PLOD2: variants seen among roughly 807,000 people sequenced by gnomAD.
The protein encoded by PLOD2 is lysine hydroxylase 2.
Under a neutral mutation model 101.0 loss-of-function variants are expected in PLOD2, and 65 were observed. That is an observed-to-expected ratio of 0.64 (90% CI 0.53 to 0.79). The LOEUF is 0.79. PLOD2 is among the 30% of genes least tolerant of loss of function. The probability of loss-of-function intolerance (pLI) is 0.00; values close to 1 mark genes in which losing one functional copy is unlikely to be tolerated. For missense variants in PLOD2, 909 were observed against 914.6 expected (o/e 0.99, Z 0.08); for synonymous variants, 314 against 302.9 (o/e 1.04, Z -0.38).
At chr3:146,077,244 T>C in intron 14 of PLOD2, 1 of 795,488 alleles carries the variant, frequency 1.3e-6, no homozygotes, top group Non-Finnish European at 1.5e-6. Flanking sequence ...ATTATACCTC[T>C]TTTGGCTTCT....
chr3:146,128,248 C>T (rs1482529260), intron 1 of PLOD2, among the ~76,000 whole-genome samples: 2 of 152,216 alleles, frequency 1.3e-5, no homozygotes, highest in South Asian at 2.1e-4. Flanking sequence ...CACCTGCCAA[C>T]CACTAATACC....
intron 7 of PLOD2, among the ~76,000 whole-genome samples, chr3:146,096,454 G>A (rs1440311874): frequency 6.3e-5 from 7 of 110,604 alleles, no homozygotes; most frequent in African/African-American, 1.5e-4. Flanking sequence ...CCTCTTCCCC[G>A]CCGCCATCCC....
At chr3:146,106,000 A>T (rs1276527048) in intron 5 of PLOD2, among the ~76,000 whole-genome samples, 1 of 152,370 alleles carries the variant, frequency 6.6e-6, no homozygotes, top group South Asian at 2.1e-4. Context: ...CTAATGCTCT[A>T]TGTTAATAAA....
intron 3 of PLOD2, among the ~76,000 whole-genome samples, chr3:146,114,356 C>T (rs769270625): frequency 9.2e-5 from 14 of 152,178 alleles, no homozygotes; most frequent in Middle Eastern, 3.4e-3. Flanking sequence ...AAACCAAGTA[C>T]GTCTCAGGTA....
intron 1 of PLOD2, among the ~76,000 whole-genome samples, chr3:146,132,401 C>G (rs1393789081): frequency 1.3e-5 from 2 of 152,036 alleles, no homozygotes; most frequent in East Asian, 3.9e-4. Flanking sequence ...TCTTCTAGAA[C>G]CATAAGGTCC....
chr3:146,074,710 T>A (rs1936270276), intron 15 of PLOD2, among the ~76,000 whole-genome samples: 1 of 148,730 alleles, frequency 6.7e-6, no homozygotes, highest in Non-Finnish European at 1.5e-5. Context: ...CAAGTTAAAG[T>A]AAAAAAAAAA....
chr3:146,155,453 C>T (rs1286770365), intron 1 of PLOD2, among the ~76,000 whole-genome samples: 4 of 151,898 alleles, frequency 2.6e-5, no homozygotes, highest in Non-Finnish European at 5.9e-5. Context: ...TGGCTCACAC[C>T]TGCAATCCCA....
At chr3:146,094,803 C>T (rs147629876) in intron 7 of PLOD2, among the ~76,000 whole-genome samples, 13,473 of 152,178 alleles carry the variant, frequency 0.089, 770 homozygotes, top group South Asian at 0.14. Context: ...AGGCATCATG[C>T]TACCTGACTT....
chr3:146,150,865 T>C (rs1169401903), intron 1 of PLOD2, among the ~76,000 whole-genome samples: 1 of 152,224 alleles, frequency 6.6e-6, no homozygotes, highest in Non-Finnish European at 1.5e-5. Context: ...ATACGGTTCC[T>C]CTCTGAAAAC....
At chr3:146,083,863 G>A (rs934969808) in intron 11 of PLOD2, among the ~76,000 whole-genome samples, 1 of 151,810 alleles carries the variant, frequency 6.6e-6, no homozygotes, top group East Asian at 1.9e-4. Flanking sequence ...TTACAGGCGT[G>A]AGCCACCACA....
chr3:146,130,360 C>T lies in PLOD2; in HGVS notation c.110-6131G>A, dbSNP rs77111004. ...TTCTACCTTTCTTTCAGGGCACTCACCACAAATTGTAATTACATATTAATT... is the reference window on the plus strand; with the variant it reads ...TTCTACCTTTCTTTCAGGGCACTCATCACAAATTGTAATTACATATTAATT... On this transcript the variant is annotated intron_variant, in intron 1 of 19. Coordinates refer to ENST00000282903, the MANE Select transcript of PLOD2 (RefSeq NM_182943.3). 3.7e-3 allele frequency among the ~76,000 whole-genome samples: 570 copies of T among 152,248 alleles called. 5 individuals carry two copies. Among genetic ancestry groups the T allele is most frequent in the African/African-American group, 0.013 (548 of 41,546 alleles).
chr3:146,153,918 G>A (rs565519681), intron 1 of PLOD2, among the ~76,000 whole-genome samples: 22 of 151,612 alleles, frequency 1.5e-4, no homozygotes, highest in African/African-American at 5.3e-4. Context: ...CCCTAAAATA[G>A]GTTAGCAGTA....
intron 1 of PLOD2, among the ~76,000 whole-genome samples, chr3:146,138,910 T>C (rs902133224): frequency 6.6e-6 from 1 of 152,152 alleles, no homozygotes; most frequent in East Asian, 1.9e-4. Flanking sequence ...TTTAAATATA[T>C]GGTAAGTGGC....
chr3:146,070,874 T>C lies in PLOD2; in HGVS notation c.2122-2A>G, dbSNP rs762644377. On this transcript the variant is annotated splice_acceptor_variant, in intron 19 of 19. Transcript: ENST00000282903. LOFTEE classifies it high-confidence loss of function. ...CCTTAGAAATTTGCAACCACCTCCCTAAAAAAGTTAAAATGAAGAAATACA... is the reference window on the plus strand; with the variant it reads ...CCTTAGAAATTTGCAACCACCTCCCCAAAAAAGTTAAAATGAAGAAATACA... The C allele has an allele frequency of 6.2e-7, 1 of 1,603,210 alleles. No homozygotes were observed. The highest frequency in any genetic ancestry group is 1.7e-5 in the Admixed American group (1 of 59,528).
At position 146,158,669 on chromosome 3, in the gene PLOD2, TTG is replaced by T. The variant is rs201876145; in HGVS notation, c.109+2210_109+2211del. 3.8e-3 allele frequency among the ~76,000 whole-genome samples: 560 copies of T among 147,242 alleles called. 10 individuals are homozygous for T. Among genetic ancestry groups the T allele is most frequent in the East Asian group, 0.033 (161 of 4,856 alleles). On this transcript the variant is annotated intron_variant, in intron 1 of 19. Coordinates refer to ENST00000282903, the MANE Select transcript of PLOD2 (RefSeq NM_182943.3). ...TCCCTCTGGGGACATTAGGCCTTTT[TTG>T]TTTTTTTGGTGCTCAGATTAGAAAG...
chr3:146,144,502 T>G (rs1200208556), intron 1 of PLOD2, among the ~76,000 whole-genome samples: 3 of 152,116 alleles, frequency 2.0e-5, no homozygotes, highest in Non-Finnish European at 4.4e-5. Context: ...AAAGAGTACA[T>G]ATCTTTTTAT....
rs1462502168 is a variant in PLOD2, at chr3:146,104,267, T to C, written c.679+12A>G. ...TTGTATACGTAAGCAATCCGGTATT[T>C]AGGAAGCATACCTACAGCTCCATTT... On this transcript the variant is annotated intron_variant, in intron 6 of 19. Coordinates refer to ENST00000282903, the MANE Select transcript of PLOD2 (RefSeq NM_182943.3). 2.0e-6 allele frequency: 3 copies of C among 1,532,320 alleles called. No individual in the cohort carries two copies. The highest frequency in any genetic ancestry group is 2.2e-5 in the South Asian group (2 of 89,486). 94.9% of individuals were successfully genotyped at this position (1,532,320 alleles called of 1,614,324 possible). A position where few individuals can be genotyped will look rare whatever the true frequency, so the allele number is the denominator to read the frequency against.
intron 1 of PLOD2, among the ~76,000 whole-genome samples, chr3:146,125,959 T>C (rs1441627526): frequency 6.6e-6 from 1 of 152,184 alleles, no homozygotes; most frequent in African/African-American, 2.4e-5. Context: ...AATTTGTCTA[T>C]ATAAATCATA....
intron 1 of PLOD2, among the ~76,000 whole-genome samples, chr3:146,132,783 A>G (rs573309383): frequency 8.8e-4 from 134 of 152,328 alleles, no homozygotes; most frequent in African/African-American, 3.1e-3. Context: ...AAGCTTCAAG[A>G]CATTTTTTAA....
Sources: allele counts gnomAD v4.1 joint callset (sites outside exome capture counted in the v4.1 genomes callset), GRCh38; gene constraint gnomAD v4.1.1; transcripts MANE v1.5; gene names NCBI Gene and HGNC (gene_info 2026-07-23, HGNC 2026-07-21).